The following NBEA variants were observed in gnomAD, a reference collection of about 807,000 sequenced individuals.
NBEA encodes the protein neurobeachin.
A neutral mutation model predicts 343.4 loss-of-function variants in NBEA; 44 were observed. The observed-to-expected ratio is 0.13, with a 90% CI of 0.10 to 0.16. NBEA has a LOEUF of 0.16. Among genes scored for constraint, NBEA ranks in the 10% least tolerant of loss-of-function variants. The probability of loss-of-function intolerance (pLI) is 1.00; values close to 1 mark genes in which losing one functional copy is unlikely to be tolerated. For missense variants in NBEA, 2,555 were observed against 3,631.3 expected (o/e 0.70, Z 7.62); for synonymous variants, 1,175 against 1,238.7 (o/e 0.95, Z 1.08).
At chr13:35,105,139 G>C (rs76576345) in intron 11 of NBEA, among the ~76,000 whole-genome samples, 57 of 152,116 alleles carry the variant, frequency 3.7e-4, no homozygotes, top group African/African-American at 1.3e-3. Flanking sequence ...CCTGATGGGA[G>C]CGTGGTCTTC....
chr13:35,465,356 GA>G (rs1475123758), intron 40 of NBEA, among the ~76,000 whole-genome samples: 1 of 152,052 alleles, frequency 6.6e-6, no homozygotes, highest in Non-Finnish European at 1.5e-5. Context: ...TGCCAAATGG[GA>G]GAAACAGACT....
At chr13:34,966,973 T>C (rs74978394) in intron 1 of NBEA, among the ~76,000 whole-genome samples, 1 of 151,564 alleles carries the variant, frequency 6.6e-6, no homozygotes, top group Non-Finnish European at 1.5e-5. Context: ...TTTTTTTTTT[T>C]TCTCATAACA....
intron 34 of NBEA, among the ~76,000 whole-genome samples, chr13:35,276,726 T>C (rs1441008071): frequency 6.6e-6 from 1 of 152,222 alleles, no homozygotes; most frequent in African/African-American, 2.4e-5. Context: ...TGTTTACATT[T>C]TCCAAGTAAT....
chr13:35,408,682 A>AT (rs72519339), intron 38 of NBEA, among the ~76,000 whole-genome samples: 1 of 151,730 alleles, frequency 6.6e-6, no homozygotes, highest in Non-Finnish European at 1.5e-5. Context: ...CCCAATTAAA[A>AT]ATGGGAAAGA....
chr13:35,543,606 C>T (rs1028638592), intron 41 of NBEA, among the ~76,000 whole-genome samples: 1 of 152,146 alleles, frequency 6.6e-6, no homozygotes, highest in African/African-American at 2.4e-5. Flanking sequence ...CAATTTGATG[C>T]TCCTACCCCT....
rs747346511 is a variant in NBEA, at chr13:35,159,918, C to G, written c.3747C>G (p.Ser1249Arg). The change falls in exon 22 of 59, where the codon AGC (serine) becomes AGG (arginine). Residue 1249 changes from serine (S) to arginine (R), a missense_variant. This residue lies in a region of NBEA where 367 missense variants were observed against 377.5 expected (regional missense o/e 0.97). Transcript: ENST00000379939. ...CTCTGGAAACTGAGTCTTCTAGTAG[C>G]AAAATTGTACCAAATATTGATGCAG... Reference protein sequence around the residue: ...ATTLETESSSSKIVPNIDAGS... With the variant: ...ATTLETESSSRKIVPNIDAGS... 1.1e-5 allele frequency: 18 copies of G among 1,594,872 alleles called. No individual in the cohort carries two copies. Among genetic ancestry groups the G allele is most frequent in the Non-Finnish European group, 1.5e-5 (17 of 1,169,976 alleles).
intron 38 of NBEA, among the ~76,000 whole-genome samples, chr13:35,429,513 C>T (rs1441485443): frequency 6.6e-6 from 1 of 152,106 alleles, no homozygotes; most frequent in Non-Finnish European, 1.5e-5. Flanking sequence ...GCCTCTTTGC[C>T]TCCAAGTGTG....
At position 35,307,130 on chromosome 13, in the gene NBEA, T is replaced by A. The variant is rs75953395; in HGVS notation, c.5839-2398T>A. ...ACTTAATAATTTTTTTATCTCAACT[T>A]CTCTACATCAGCTCTTAAATTCAGA... On this transcript the variant is annotated intron_variant, in intron 35 of 58. Transcript: ENST00000379939. 5.2e-3 allele frequency among the ~76,000 whole-genome samples: 793 copies of A among 152,132 alleles called. 12 individuals carry two copies. The highest frequency in any genetic ancestry group is 0.038 in the East Asian group (198 of 5,180).
chr13:34,992,262 A>ATAT (rs1459023833), intron 1 of NBEA, among the ~76,000 whole-genome samples: 82 of 114,312 alleles, frequency 7.2e-4, no homozygotes, highest in Middle Eastern at 4.2e-3. Context: ...ATATATATAT[A>ATAT]TTTTTTTTTT....
intron 49 of NBEA, among the ~76,000 whole-genome samples, chr13:35,629,121 T>A (rs1934958203): frequency 6.6e-6 from 1 of 152,204 alleles, no homozygotes; most frequent in Non-Finnish European, 1.5e-5. Context: ...AAAATATTAC[T>A]TAAATCATTT....
intron 31 of NBEA, among the ~76,000 whole-genome samples, chr13:35,203,448 A>G (rs1489087111): frequency 1.3e-5 from 2 of 152,060 alleles, no homozygotes; most frequent in African/African-American, 4.8e-5. Flanking sequence ...CCTTCTTCTT[A>G]TCTATGCTTT....
At chr13:35,563,136 T>TGG (rs1593231867) in intron 44 of NBEA, among the ~76,000 whole-genome samples, 13 of 84,226 alleles carry the variant, frequency 1.5e-4, no homozygotes, top group East Asian at 9.7e-4. Context: ...TGTGTGGAGA[T>TGG]AGATAGATAG....
chr13:35,535,657 C>A (rs182407018), intron 41 of NBEA, among the ~76,000 whole-genome samples: 1 of 152,268 alleles, frequency 6.6e-6, no homozygotes, highest in African/African-American at 2.4e-5. Context: ...ATACTCACAG[C>A]AACCCTGCAA....
At chr13:35,453,221 A>G (rs1268791769) in intron 40 of NBEA, among the ~76,000 whole-genome samples, 1 of 152,204 alleles carries the variant, frequency 6.6e-6, no homozygotes, top group African/African-American at 2.4e-5. Context: ...TGTTACTGTT[A>G]ATTATAAACT....
intron 34 of NBEA, among the ~76,000 whole-genome samples, chr13:35,258,004 T>C (rs914931742): frequency 2.0e-5 from 3 of 152,130 alleles, no homozygotes; most frequent in African/African-American, 7.2e-5. Context: ...TAATATTTAT[T>C]ATTTTTATTT....
At chr13:35,472,078 G>A (rs1474121210) in intron 40 of NBEA, among the ~76,000 whole-genome samples, 1 of 152,102 alleles carries the variant, frequency 6.6e-6, no homozygotes, top group Admixed American at 6.5e-5. Context: ...ATGGAGAATT[G>A]GGGCATTTGT....
chr13:34,989,658 C>T (rs2152514512), intron 1 of NBEA, among the ~76,000 whole-genome samples: 1 of 150,894 alleles, frequency 6.6e-6, no homozygotes, highest in African/African-American at 2.4e-5. Context: ...CTATATCATT[C>T]CACACCTAGC....
At chr13:35,350,850 AT>A (rs2040163033) in intron 37 of NBEA, among the ~76,000 whole-genome samples, 1 of 151,352 alleles carries the variant, frequency 6.6e-6, no homozygotes, top group Admixed American at 6.6e-5. Flanking sequence ...TTTTTGAGGA[AT>A]TTTTCTATCC....
At chr13:35,366,547 G>T (rs1218000377) in intron 38 of NBEA, among the ~76,000 whole-genome samples, 1 of 150,852 alleles carries the variant, frequency 6.6e-6, no homozygotes, top group Non-Finnish European at 1.5e-5. Flanking sequence ...TTTTAATATA[G>T]CTTTATTTTA....
Sources: allele counts gnomAD v4.1 joint callset (sites outside exome capture counted in the v4.1 genomes callset), GRCh38; gene constraint gnomAD v4.1.1; regional missense constraint gnomAD v4.1.1; transcripts MANE v1.5; gene names NCBI Gene and HGNC (gene_info 2026-07-23, HGNC 2026-07-21).